The following PHC3 variants were observed in gnomAD, a reference collection of about 807,000 sequenced individuals.
PHC3 encodes polyhomeotic homolog 3, also known as polyhomeotic-like protein 3.
PHC3 carries 13 observed loss-of-function variants against 107.4 expected under a neutral mutation model. The ratio of observed to expected loss-of-function variants is 0.12; its 90% CI spans 0.08 to 0.19. PHC3 has a LOEUF of 0.19. Among genes scored for constraint, PHC3 ranks in the 10% least tolerant of loss-of-function variants. The probability of loss-of-function intolerance (pLI) is 1.00; values close to 1 mark genes in which losing one functional copy is unlikely to be tolerated. For synonymous variants in PHC3, 456 were observed against 427.4 expected, an observed-to-expected ratio of 1.07 and a Z score of -0.83; for missense variants, 992 against 1,210.9, an observed-to-expected ratio of 0.82 and a Z score of 2.68.
chr3:170,175,921 C>A, intron 2 of PHC3, among the ~76,000 whole-genome samples: 1 of 141,006 alleles, frequency 7.1e-6, no homozygotes. Flanking sequence ...AAGACTCAGT[C>A]TCAAAAAAAA....
At chr3:170,116,439 T>C (rs927691678) in intron 10 of PHC3, among the ~76,000 whole-genome samples, 1 of 152,028 alleles carries the variant, frequency 6.6e-6, no homozygotes, top group African/African-American at 2.4e-5. Flanking sequence ...TGGTGGTGCA[T>C]GCCTGTAGTC....
chr3:170,108,178 A>G (rs1020166967), intron 11 of PHC3, among the ~76,000 whole-genome samples: 2 of 152,240 alleles, frequency 1.3e-5, no homozygotes, highest in Non-Finnish European at 2.9e-5. Context: ...AAAGCATTTT[A>G]CTGAAAAGCA....
chr3:170,168,753 CAAAA>C (rs59152470), intron 4 of PHC3, among the ~76,000 whole-genome samples: 2 of 77,082 alleles, frequency 2.6e-5, no homozygotes, highest in Admixed American at 1.5e-4. Context: ...GACTCCGTCT[CAAAA>C]AAAAAAAAAA....
chr3:170,181,579 G>T, intron 1 of PHC3, 123 bp downstream of exon 1: 1 of 1,411,798 alleles, frequency 7.1e-7, no homozygotes, highest in Non-Finnish European at 9.9e-7. Flanking sequence ...GATAGGACGG[G>T]TCTCGAGTCT....
chr3:170,126,528 A>ATATTTT (rs370421296), intron 8 of PHC3, among the ~76,000 whole-genome samples: 33 of 90,628 alleles, frequency 3.6e-4, no homozygotes, highest in Non-Finnish European at 5.3e-4. Flanking sequence ...ATATATATAT[A>ATATTTT]TTTTTTTTTT....
At chr3:170,155,687 C>G (rs1726778371) in intron 4 of PHC3, among the ~76,000 whole-genome samples, 2 of 152,058 alleles carry the variant, frequency 1.3e-5, no homozygotes, top group South Asian at 4.1e-4. Context: ...CAGCACTGCA[C>G]TCCAACCTGG....
At chr3:170,134,105 CT>C (rs1227424438) in intron 7 of PHC3, among the ~76,000 whole-genome samples, 2 of 151,546 alleles carry the variant, frequency 1.3e-5, no homozygotes, top group African/African-American at 4.9e-5. Flanking sequence ...AAAAACCCAG[CT>C]TTTATGCCAT....
At chr3:170,128,577 CT>C in intron 8 of PHC3, 106 bp downstream of exon 8, 2 of 1,366,604 alleles carry the variant, frequency 1.5e-6, no homozygotes, top group Non-Finnish European at 1.9e-6. Context: ...AAATTTCAAG[CT>C]TTTTTAGTTC....
chr3:170,150,531 TAAAAAAA>T (rs1168514834), intron 4 of PHC3: 16 of 77,576 alleles, frequency 2.1e-4, no homozygotes, highest in African/African-American at 7.4e-4. Context: ...CTGTCTCTAC[TAAAAAAA>T]AAAAAAAAAA....
intron 9 of PHC3, 104 bp from the exon 10 acceptor site, chr3:170,117,580 A>C (rs1719275065): frequency 8.8e-7 from 1 of 1,136,150 alleles, no homozygotes; most frequent in Non-Finnish European, 1.2e-6. Context: ...AATATCTGGT[A>C]CTTTCAAAAA....
intron 2 of PHC3, among the ~76,000 whole-genome samples, chr3:170,176,535 TCA>T (rs1254402716): frequency 6.6e-6 from 1 of 152,152 alleles, no homozygotes; most frequent in Admixed American, 6.5e-5. Context: ...AAATAAGAAT[TCA>T]CAGAGTGGTT....
At position 170,102,807 on chromosome 3, in the gene PHC3, T is replaced by G. The variant is rs950699187; in HGVS notation, c.2596A>C (p.Arg866=). ...PDGAAREHIL[R]QLPITYPSAE... Reference sequence around the variant, plus strand: ...GAAGCAAGGTTTATACAGACCTGCCTAAGGATATGTTCTCTCGCTGCCCCA... The same window carrying G: ...GAAGCAAGGTTTATACAGACCTGCCGAAGGATATGTTCTCTCGCTGCCCCA... Residue 866 remains arginine, a synonymous_variant, in exon 13 of 15, where the codon AGG becomes CGG. Transcript: ENST00000495893. 1.2e-6 allele frequency: 2 copies of G among 1,613,904 alleles called. No homozygotes were observed. Among genetic ancestry groups the G allele is most frequent in the African/African-American group, 1.3e-5 (1 of 75,036 alleles).
intron 4 of PHC3, among the ~76,000 whole-genome samples, chr3:170,155,459 G>A (rs1055127652): frequency 6.6e-6 from 1 of 152,194 alleles, no homozygotes; most frequent in African/African-American, 2.4e-5. Flanking sequence ...AGTGGCTCAT[G>A]CCAGTAATCC....
intron 10 of PHC3, among the ~76,000 whole-genome samples, chr3:170,114,727 G>A (rs147490493): frequency 0.012 from 1,859 of 152,258 alleles, 40 homozygotes; most frequent in African/African-American, 0.042. Flanking sequence ...ATTCACTGGT[G>A]AGCCCTCAGC....
chr3:170,181,622 G>A (rs1024928127), intron 1 of PHC3, 80 bp downstream of exon 1: 2 of 1,602,830 alleles, frequency 1.2e-6, no homozygotes, highest in African/African-American at 1.3e-5. Flanking sequence ...AAAGAGCCCT[G>A]AGCTTTCCCC....
chr3:170,154,515 T>G (rs1210825601), intron 4 of PHC3, among the ~76,000 whole-genome samples: 1 of 152,192 alleles, frequency 6.6e-6, no homozygotes, highest in Non-Finnish European at 1.5e-5. Context: ...TAAAGAAAAA[T>G]GTAATAAAAG....
At chr3:170,117,020 C>A in intron 10 of PHC3, 1 of 576,112 alleles carries the variant, frequency 1.7e-6, no homozygotes, top group Non-Finnish European at 2.8e-6. Context: ...CATTTTTTCC[C>A]TTAGTTTATG....
intron 8 of PHC3, among the ~76,000 whole-genome samples, chr3:170,123,622 C>T (rs1355625127): frequency 6.6e-6 from 1 of 151,750 alleles, no homozygotes; most frequent in Non-Finnish European, 1.5e-5. Context: ...AACCCTACCT[C>T]TACTTAAAAA....
intron 9 of PHC3, among the ~76,000 whole-genome samples, chr3:170,120,918 G>A (rs756513395): frequency 5.3e-5 from 8 of 152,110 alleles, no homozygotes; most frequent in Non-Finnish European, 1.0e-4. Flanking sequence ...CAACAAAGCC[G>A]GAACCAAGAT....
Sources: gnomAD v4.1 joint callset for allele counts (sites outside exome capture counted in the v4.1 genomes callset) on GRCh38, gnomAD v4.1.1 for gene constraint, MANE v1.5 for transcripts, NCBI Gene and HGNC (gene_info 2026-07-23, HGNC 2026-07-21) for gene names.